Variants in IPCEF1 observed in about 807,000 individuals in gnomAD.
IPCEF1 encodes the protein interaction protein for cytohesin exchange factors 1, also known as interactor protein for cytohesin exchange factors 1.
A neutral mutation model predicts 50.9 loss-of-function variants in IPCEF1; 31 were observed. The ratio of observed to expected loss-of-function variants is 0.61; its 90% CI spans 0.46 to 0.82. The LOEUF is 0.82. Among genes scored for constraint, IPCEF1 ranks in the 40% least tolerant of loss-of-function variants. The pLI is 0.00. For missense variants in IPCEF1, 458 were observed against 514.0 expected, an observed-to-expected ratio of 0.89 and a Z score of 1.05; for synonymous variants, 181 against 192.0, an observed-to-expected ratio of 0.94 and a Z score of 0.47.
chr6:154,217,939 A>C (rs770059586), intron 7 of IPCEF1, among the ~76,000 whole-genome samples: 76 of 152,190 alleles, frequency 5.0e-4, no homozygotes, highest in Non-Finnish European at 5.6e-4. Context: ...AATAAAGAAA[A>C]TATTTCTCTC....
At chr6:154,214,179 A>C (rs1778195971) in intron 8 of IPCEF1, 39 bp downstream of exon 8, 1 of 1,316,278 alleles carries the variant, frequency 7.6e-7, no homozygotes, top group Admixed American at 1.7e-5. Context: ...CTGTTCTAAT[A>C]TTCTTGCTAA....
intron 2 of IPCEF1, among the ~76,000 whole-genome samples, chr6:154,279,484 A>G (rs552382045): frequency 6.6e-6 from 1 of 152,088 alleles, no homozygotes; most frequent in Non-Finnish European, 1.5e-5. Context: ...TCCTTCTACG[A>G]ATTTTATTGT....
At chr6:154,160,116 T>C (rs891412019) in intron 11 of IPCEF1, 76 bp from the exon 12 acceptor site, 1 of 1,118,182 alleles carries the variant, frequency 8.9e-7, no homozygotes, top group East Asian at 2.4e-5. Context: ...TTACCAACTC[T>C]TTTACAAGTA....
intron 9 of IPCEF1, among the ~76,000 whole-genome samples, chr6:154,201,502 C>T (rs1378965224): frequency 1.3e-5 from 2 of 152,186 alleles, no homozygotes; most frequent in African/African-American, 4.8e-5. Context: ...CTACAGATCA[C>T]CCTATATCTC....
At position 154,318,712 on chromosome 6, in the gene IPCEF1, CAA is replaced by C. The variant is rs57436031; in HGVS notation, c.-61-28958_-61-28957del. 6.2e-3 allele frequency among the ~76,000 whole-genome samples: 616 copies of C among 98,806 alleles called. 2 individuals carry two copies. The highest frequency in any genetic ancestry group is 7.8e-3 in the Non-Finnish European group (383 of 48,880). The allele number at this position is 98,806 out of a possible 152,430, so 64.8% of individuals were successfully genotyped here. A position where few individuals can be genotyped will look rare whatever the true frequency, so the allele number is the denominator to read the frequency against. On this transcript the variant is annotated intron_variant, in intron 1 of 11. Coordinates refer to ENST00000367220, the MANE Select transcript of IPCEF1 (RefSeq NM_001130700.2). ...TGGCTGACAGAGTGAGACCCTGTCT[CAA>C]AAAAAAAAAAAAAAAAAAGAAGAAG...
At chr6:154,266,755 T>C (rs964304869) in intron 2 of IPCEF1, among the ~76,000 whole-genome samples, 3 of 152,052 alleles carry the variant, frequency 2.0e-5, no homozygotes, top group African/African-American at 7.2e-5. Context: ...TAGGCTCCTT[T>C]TGATGTTTGC....
At chr6:154,173,884 G>T (rs2128559480) in intron 10 of IPCEF1, among the ~76,000 whole-genome samples, 2 of 152,292 alleles carry the variant, frequency 1.3e-5, no homozygotes, top group South Asian at 4.2e-4. Flanking sequence ...ATTCATCAAG[G>T]TTGAAATGAA....
intron 1 of IPCEF1, among the ~76,000 whole-genome samples, chr6:154,336,828 T>C (rs1352794091): frequency 1.3e-5 from 2 of 152,194 alleles, no homozygotes; most frequent in African/African-American, 4.8e-5. Context: ...GGTCTTGATC[T>C]CCTGGGCTCA....
At chr6:154,162,140 G>A (rs1799077468) in intron 11 of IPCEF1, among the ~76,000 whole-genome samples, 1 of 152,140 alleles carries the variant, frequency 6.6e-6, no homozygotes, top group African/African-American at 2.4e-5. Flanking sequence ...TCCTAGTAAA[G>A]GCCAATCCCT....
At chr6:154,212,947 C>A in intron 8 of IPCEF1, 92 bp from the exon 9 acceptor site, 1 of 845,644 alleles carries the variant, frequency 1.2e-6, no homozygotes, top group Non-Finnish European at 2.0e-6. Flanking sequence ...CTGGCTATTG[C>A]AATTTCAATC....
At chr6:154,308,655 T>C (rs1229312083) in intron 1 of IPCEF1, among the ~76,000 whole-genome samples, 2 of 152,250 alleles carry the variant, frequency 1.3e-5, no homozygotes, top group Non-Finnish European at 2.9e-5. Flanking sequence ...CTAATAAAAC[T>C]AGCCATTACT....
At chr6:154,346,523 T>C (rs1214815081) in intron 1 of IPCEF1, among the ~76,000 whole-genome samples, 1 of 152,192 alleles carries the variant, frequency 6.6e-6, no homozygotes, top group Non-Finnish European at 1.5e-5. Flanking sequence ...GGATGGACTA[T>C]CTGTATTAGT....
intron 3 of IPCEF1, among the ~76,000 whole-genome samples, chr6:154,257,301 C>A (rs1781484672): frequency 6.6e-6 from 1 of 152,186 alleles, no homozygotes; most frequent in Admixed American, 6.5e-5. Context: ...GTGAACCTAG[C>A]TAGCTCTCCC....
chr6:154,239,297 G>C (rs1324254460), intron 5 of IPCEF1, among the ~76,000 whole-genome samples: 1 of 152,114 alleles, frequency 6.6e-6, no homozygotes, highest in Non-Finnish European at 1.5e-5. Context: ...AGCTATGACA[G>C]GGGAACCATT....
chr6:154,327,248 C>G (rs1016839792), intron 1 of IPCEF1, among the ~76,000 whole-genome samples: 1 of 151,882 alleles, frequency 6.6e-6, no homozygotes, highest in African/African-American at 2.4e-5. Flanking sequence ...TTCTGCACAC[C>G]AAAAGAAACT....
intron 2 of IPCEF1, among the ~76,000 whole-genome samples, chr6:154,276,336 A>AAAG (rs1782062584): frequency 6.6e-6 from 1 of 151,474 alleles, no homozygotes; most frequent in Non-Finnish European, 1.5e-5. Flanking sequence ...GGAGGAAATA[A>AAAG]AAGATCATTT....
At chr6:154,268,703 G>A (rs1326004842) in intron 2 of IPCEF1, among the ~76,000 whole-genome samples, 1 of 151,416 alleles carries the variant, frequency 6.6e-6, no homozygotes, top group Admixed American at 6.6e-5. Context: ...CTCATCTCCG[G>A]CCCTTCCTTG....
At chr6:154,316,145 A>C (rs1297081107) in intron 1 of IPCEF1, among the ~76,000 whole-genome samples, 1 of 152,234 alleles carries the variant, frequency 6.6e-6, no homozygotes, top group Non-Finnish European at 1.5e-5. Context: ...GGCAAGAGCC[A>C]CTGCTCCCAG....
chr6:154,355,771 G>A (rs974031862), intron 1 of IPCEF1, among the ~76,000 whole-genome samples: 30 of 151,866 alleles, frequency 2.0e-4, no homozygotes, highest in Middle Eastern at 6.8e-3. Context: ...TTACAAGCGT[G>A]AGCCACCGCA....
Sources: gnomAD v4.1 joint callset for allele counts (sites outside exome capture counted in the v4.1 genomes callset) on GRCh38, gnomAD v4.1.1 for gene constraint, MANE v1.5 for transcripts, NCBI Gene and HGNC (gene_info 2026-07-23, HGNC 2026-07-21) for gene names.